LRRK1: variants seen among roughly 807,000 people sequenced by gnomAD.
LRRK1 encodes leucine-rich repeat serine/threonine-protein kinase 1.
A neutral mutation model predicts 209.1 loss-of-function variants in LRRK1; 113 were observed. That is an observed-to-expected ratio of 0.54 (90% CI 0.46 to 0.63). The LOEUF (loss-of-function observed/expected upper bound fraction) is 0.63, where lower values mean the gene tolerates loss of function less well. Ranked by LOEUF, LRRK1 falls within the 30% of genes least tolerant of loss-of-function variation. The probability of loss-of-function intolerance (pLI) is 0.00; values close to 1 mark genes in which losing one functional copy is unlikely to be tolerated. For missense variants in LRRK1, 2,284 were observed against 2,632.2 expected, an observed-to-expected ratio of 0.87 and a Z score of 2.89; for synonymous variants, 1,144 against 1,099.7, an observed-to-expected ratio of 1.04 and a Z score of -0.80.
intron 6 of LRRK1, among the ~76,000 whole-genome samples, chr15:101,006,777 G>A (rs1310698256): frequency 2.0e-5 from 3 of 152,204 alleles, no homozygotes; most frequent in African/African-American, 7.2e-5. Flanking sequence ...CTATGTGACA[G>A]CGTTTTAACA....
intron 2 of LRRK1, among the ~76,000 whole-genome samples, chr15:100,951,961 AAAAAATAAT>A (rs1567196984): frequency 7.4e-6 from 1 of 134,772 alleles, no homozygotes; most frequent in African/African-American, 2.6e-5. Flanking sequence ...CTCAGAAAAA[AAAAAATAAT>A]AATAATAATA....
At chr15:100,947,608 T>C (rs1329741544) in intron 2 of LRRK1, among the ~76,000 whole-genome samples, 1 of 152,220 alleles carries the variant, frequency 6.6e-6, no homozygotes, top group Non-Finnish European at 1.5e-5. Context: ...TATCCTCTGC[T>C]CCTTCCGCTG....
intron 2 of LRRK1, among the ~76,000 whole-genome samples, chr15:100,932,878 A>ACTC (rs1392286016): frequency 6.6e-6 from 1 of 152,022 alleles, no homozygotes; most frequent in Non-Finnish European, 1.5e-5. Flanking sequence ...TTTGGGGCTG[A>ACTC]CTCATCCCTA....
chr15:101,057,092 A>G, intron 28 of LRRK1, 42 bp downstream of exon 28: 1 of 1,516,832 alleles, frequency 6.6e-7, no homozygotes, highest in Non-Finnish European at 8.9e-7. Context: ...ACCTCCTGCC[A>G]TGTGAGGAAG....
chr15:100,941,404 G>GTGTGTCTGTGTGTGTGTGTGTC (rs1567190975), intron 2 of LRRK1, among the ~76,000 whole-genome samples: 1 of 118,676 alleles, frequency 8.4e-6, no homozygotes, highest in Non-Finnish European at 1.6e-5. Flanking sequence ...GTGTGTCTGT[G>GTGTGTCTGTGTGTGTGTGTGTC]TGTGTCTCTG....
intron 20 of LRRK1, among the ~76,000 whole-genome samples, chr15:101,041,183 A>G (rs59126785): frequency 6.6e-6 from 1 of 151,950 alleles, no homozygotes; most frequent in Non-Finnish European, 1.5e-5. Context: ...CTTGAAGTCT[A>G]TTTTGTCTGA....
chr15:101,031,421 C>T (rs747448212), intron 20 of LRRK1, among the ~76,000 whole-genome samples: 45 of 152,172 alleles, frequency 3.0e-4, no homozygotes, highest in Non-Finnish European at 2.4e-4. Context: ...TCCATCCATG[C>T]GGTTGTGTGT....
intron 31 of LRRK1, chr15:101,064,746 A>G (rs2036425322): frequency 6.5e-6 from 1 of 154,916 alleles, no homozygotes; most frequent in Admixed American, 6.3e-5. Context: ...CATGTCATCC[A>G]CTTGGAGCAG....
chr15:101,002,740 AT>A (rs5814992), intron 6 of LRRK1, among the ~76,000 whole-genome samples: 19,901 of 151,984 alleles, frequency 0.13, 1,436 homozygotes, highest in African/African-American at 0.19. Context: ...TTATTTATTT[AT>A]TTTTTATTTT....
chr15:101,029,704 C>T (rs552354966), intron 20 of LRRK1, among the ~76,000 whole-genome samples: 2 of 152,124 alleles, frequency 1.3e-5, no homozygotes, highest in Admixed American at 1.3e-4. Context: ...CCCGTTTCTA[C>T]TAAAAATACA....
chr15:100,985,904 C>T (rs1329947711), intron 4 of LRRK1, among the ~76,000 whole-genome samples: 1 of 152,024 alleles, frequency 6.6e-6, no homozygotes, highest in African/African-American at 2.4e-5. Context: ...GACAAGAAGA[C>T]AAACAAGAGT....
Position 100,924,711 on chromosome 15 carries a change from G to A in LRRK1, c.79G>A (p.Ala27Thr), listed in dbSNP as rs753949506. 1.4e-5 allele frequency: 23 copies of A among 1,613,976 alleles called. No homozygotes were observed. The highest frequency in any genetic ancestry group is 9.3e-5 in the African/African-American group (7 of 74,924). The part of the protein sequence containing the change: ...PEESAVCPER[A>T]METLNGAGDT... Reference sequence around the variant, plus strand: ...GGAGTCAGCTGTGTGTCCAGAACGTGCCATGGAGACGCTTAACGGTAAGGA... The same window carrying A: ...GGAGTCAGCTGTGTGTCCAGAACGTACCATGGAGACGCTTAACGGTAAGGA... The change falls in exon 2 of 34, where the codon GCC (alanine) becomes ACC (threonine). Residue 27 changes from alanine to threonine, a missense_variant. Physicochemically the swap from Ala to Thr is moderately conservative, Grantham distance 58. Around this residue, in one of 6 missense-constraint regions of LRRK1, gnomAD observed 174 missense variants for 133.5 expected, o/e 1.30. Coordinates refer to ENST00000388948, the MANE Select transcript of LRRK1 (RefSeq NM_024652.6).
chr15:100,980,436 C>G (rs1457808525), intron 3 of LRRK1, among the ~76,000 whole-genome samples: 1 of 152,104 alleles, frequency 6.6e-6, no homozygotes, highest in African/African-American at 2.4e-5. Flanking sequence ...ATGAGTGAGA[C>G]TACCATGGGT....
At chr15:100,941,364 G>T (rs1160948198) in intron 2 of LRRK1, among the ~76,000 whole-genome samples, 1 of 121,246 alleles carries the variant, frequency 8.2e-6, no homozygotes, top group African/African-American at 3.4e-5. Flanking sequence ...GTGTGTGTGT[G>T]TGCCTGTATG....
At chr15:100,993,996 A>C (rs554467903) in intron 6 of LRRK1, among the ~76,000 whole-genome samples, 38 of 152,336 alleles carry the variant, frequency 2.5e-4, no homozygotes, top group African/African-American at 9.1e-4. Context: ...GGCACATAAT[A>C]AGTGCTCAAT....
intron 2 of LRRK1, among the ~76,000 whole-genome samples, chr15:100,951,366 T>G (rs147720558): frequency 0.012 from 1,778 of 152,214 alleles, 31 homozygotes; most frequent in African/African-American, 0.041. Flanking sequence ...TGCAGGCAGT[T>G]TGGAAAATGG....
chr15:100,967,559 A>C (rs539016328), intron 2 of LRRK1, among the ~76,000 whole-genome samples: 217 of 14,978 alleles, frequency 0.014, 2 homozygotes, highest in African/African-American at 0.039. Flanking sequence ...AGGATTTTCC[A>C]AAGGGAGCTC....
intron 2 of LRRK1, among the ~76,000 whole-genome samples, chr15:100,943,694 C>T (rs1301208294): frequency 1.4e-5 from 2 of 147,362 alleles, no homozygotes. Flanking sequence ...TGCAAGTGAT[C>T]GTATCTTTTT....
intron 2 of LRRK1, 135 bp from the exon 3 acceptor site, chr15:100,973,669 C>G: frequency 1.1e-6 from 1 of 908,222 alleles, no homozygotes; most frequent in Non-Finnish European, 1.4e-6. Flanking sequence ...CGTCGCGGGG[C>G]CACCCCTCTC....
Sources: gnomAD v4.1 joint callset for allele counts (sites outside exome capture counted in the v4.1 genomes callset) on GRCh38, gnomAD v4.1.1 for gene constraint, gnomAD v4.1.1 regional missense constraint, MANE v1.5 for transcripts, NCBI Gene and HGNC (gene_info 2026-07-23, HGNC 2026-07-21) for gene names.